The following CENPF variants were observed in gnomAD, a reference collection of about 807,000 sequenced individuals.
The protein encoded by CENPF is centromere protein F, also known as AH antigen.
A neutral mutation model predicts 307.3 loss-of-function variants in CENPF; 214 were observed. That is an observed-to-expected ratio of 0.70 (90% CI 0.62 to 0.78). The LOEUF (loss-of-function observed/expected upper bound fraction) is 0.78. CENPF is among the 30% of genes least tolerant of loss of function. CENPF has a pLI of 0.00. For synonymous variants in CENPF, 1,259 were observed against 1,270.6 expected (o/e 0.99, Z 0.19); for missense variants, 3,401 against 3,483.9 (o/e 0.98, Z 0.60).
chr1:214,625,167 C>A (rs577152014), intron 7 of CENPF, among the ~76,000 whole-genome samples: 1 of 152,220 alleles, frequency 6.6e-6, no homozygotes, highest in Admixed American at 6.5e-5. Flanking sequence ...AGGCGACTTT[C>A]GTGTAGACAA....
chr1:214,604,309 C>G (rs1004546580), intron 1 of CENPF, among the ~76,000 whole-genome samples: 1 of 152,178 alleles, frequency 6.6e-6, no homozygotes, highest in Non-Finnish European at 1.5e-5. Flanking sequence ...TCCTGCAAGT[C>G]CTCCATGCAG....
Position 214,635,991 on chromosome 1 carries a change from T to A in CENPF, c.1447-1875T>A, listed in dbSNP as rs11120371. On this transcript the variant is annotated intron_variant, in intron 10 of 19. Coordinates refer to ENST00000366955, the MANE Select transcript of CENPF (RefSeq NM_016343.4). ...GGTGTCATTTGATTTGATTAAAAAA[T>A]TTTTTTTTTAGAGTAAGAAAATATT... Among the ~76,000 whole-genome samples the A allele has an allele frequency of 4.5e-3, 676 of 149,940 alleles. 6 individuals carry two copies. The highest frequency in any genetic ancestry group is 0.017 in the Middle Eastern group (5 of 290).
chr1:214,631,481 TTTTG>T lies in CENPF; in HGVS notation c.1323+839_1323+842del, dbSNP rs557309107. ...ACATATGCATCCCAATATTTGTGTGTTTTGTTTGTTTGTTTGTTTGTTTTGTTTT... is the reference window on the plus strand; with the variant it reads ...ACATATGCATCCCAATATTTGTGTGTTTTGTTTGTTTGTTTGTTTTGTTTT... On this transcript the variant is annotated intron_variant, in intron 9 of 19. Coordinates refer to ENST00000366955, the MANE Select transcript of CENPF (RefSeq NM_016343.4). 4.0e-3 allele frequency among the ~76,000 whole-genome samples: 615 copies of T among 152,202 alleles called. 7 individuals carry two copies. Among genetic ancestry groups the T allele is most frequent in the Middle Eastern group, 0.031 (9 of 294 alleles).
Position 214,641,052 on chromosome 1 carries a change from C to A in CENPF, c.2714C>A (p.Ala905Asp). 6.4e-7 allele frequency: 1 copy of A among 1,562,346 alleles called. No individual in the cohort carries two copies. Among genetic ancestry groups the A allele is most frequent in the Non-Finnish European group, 8.6e-7 (1 of 1,163,012 alleles). Residue 905 changes from alanine (A) to aspartate (D), a missense_variant, in exon 12 of 20, where the codon GCC (alanine) becomes GAC (aspartate). Coordinates refer to ENST00000366955, the MANE Select transcript of CENPF (RefSeq NM_016343.4). Reference protein sequence around the residue: ...HQNVVAETLSALENKEKELQL... With the variant: ...HQNVVAETLSDLENKEKELQL... The stretch of plus-strand genomic sequence containing the variant: ...AATGTTGTTGCTGAAACCTTAAGTG[C>A]CCTTGAGAACAAGGAAAAAGAGCTG...
At chr1:214,650,621 G>T (rs1030399622) in intron 14 of CENPF, among the ~76,000 whole-genome samples, 2 of 152,160 alleles carry the variant, frequency 1.3e-5, no homozygotes, top group African/African-American at 4.8e-5. Context: ...GGAGGGAGTG[G>T]CTGGATATAG....
chr1:214,604,792 T>C (rs1656979489), intron 1 of CENPF, among the ~76,000 whole-genome samples: 1 of 152,130 alleles, frequency 6.6e-6, no homozygotes, highest in South Asian at 2.1e-4. Flanking sequence ...TTCAGTAGTT[T>C]TGGGATAAAT....
chr1:214,643,140 A>C lies in CENPF; in HGVS notation c.4802A>C (p.Gln1601Pro), dbSNP rs767955013. The C allele has an allele frequency of 3.1e-6, 5 of 1,597,878 alleles. No individual in the cohort carries two copies. The highest frequency in any genetic ancestry group is 4.3e-6 in the Non-Finnish European group (5 of 1,174,938). Residue 1601 changes from glutamine to proline, a missense_variant, in exon 12 of 20, where the codon CAG becomes CCG. Physicochemically the swap from Gln to Pro is moderately conservative, Grantham distance 76. Transcript: ENST00000366955. ...ERQELDCLRK[Q>P]YLSENEQWQQ... ...CAAGAGCTTGACTGCCTTAGGAAGCAGTATTTGTCAGAAAATGAACAGTGG... is the reference window on the plus strand; with the variant it reads ...CAAGAGCTTGACTGCCTTAGGAAGCCGTATTTGTCAGAAAATGAACAGTGG...
chr1:214,641,656 G>T lies in CENPF; in HGVS notation c.3318G>T (p.Val1106=), dbSNP rs779478827. 3 of 1,581,996 alleles carry T rather than the reference G, an allele frequency of 1.9e-6. No individual in the cohort carries two copies. The highest frequency in any genetic ancestry group is 2.6e-6 in the Non-Finnish European group (3 of 1,167,070). ...ATCTGATGCTAGAGTTGGAGACAGT[G>T]CAGCAAGCTCTGAGATCTGAGATGA... is the stretch of plus-strand genomic sequence containing the variant. ...NQNLMLELET[V]QQALRSEMTD... Residue 1106 remains valine (V), a synonymous_variant, in exon 12 of 20, where the codon GTG becomes GTT. Transcript: ENST00000366955.
intron 10 of CENPF, among the ~76,000 whole-genome samples, chr1:214,633,829 T>C (rs1469669674): frequency 6.6e-6 from 1 of 152,244 alleles, no homozygotes; most frequent in Non-Finnish European, 1.5e-5. Context: ...GTTTGCCTTT[T>C]GGCCAGTGGG....
At position 214,659,156 on chromosome 1, in the gene CENPF, G is replaced by GT; in HGVS notation, c.9141+129dup. On this transcript the variant is annotated intron_variant, in intron 19 of 19. Coordinates refer to ENST00000366955, the MANE Select transcript of CENPF (RefSeq NM_016343.4). This position sits in a 1 kb window ranked among gnomAD's most constrained non-coding sequence, Gnocchi z 4.4. ...AAAAGTCTGACCTTCTTGGTGTGGT[G>GT]TAAGTCAGTCAGTAGTGAGCAAGTG... is the stretch of plus-strand genomic sequence containing the variant. 1.1e-6 allele frequency: 1 copy of GT among 904,534 alleles called. No homozygotes were observed. Among genetic ancestry groups the GT allele is most frequent in the Non-Finnish European group, 1.7e-6 (1 of 596,828 alleles). 56.0% of individuals were successfully genotyped at this position (904,534 alleles called of 1,614,324 possible).
chr1:214,643,313 G>A lies in CENPF; in HGVS notation c.4975G>A (p.Asp1659Asn), dbSNP rs779677155. 24 of 1,495,922 alleles carry A rather than the reference G, an allele frequency of 1.6e-5. No homozygotes were observed. The highest frequency in any genetic ancestry group is 4.9e-5 in the Admixed American group (2 of 40,490). The allele number at this position is 1,495,922 out of a possible 1,614,324, so 92.7% of individuals were successfully genotyped here. A position where few individuals can be genotyped will look rare whatever the true frequency, so the allele number is the denominator to read the frequency against. Residue 1659 changes from aspartate (D) to asparagine (N), a missense_variant, in exon 12 of 20, where the codon GAC becomes AAC. Transcript: ENST00000366955. ...DLSSRSLLGI[D>N]TEDAIQGRNE... ...AAGTTCTCGGTCTTTGCTTGGCATC[G>A]ACACAGAAGATGTAAGTACCTGGGA...
chr1:214,646,429 C>G lies in CENPF; in HGVS notation c.6859C>G (p.Gln2287Glu), dbSNP rs1365907944. Residue 2287 changes from glutamine (Q) to glutamate (E), a missense_variant, in exon 13 of 20, where the codon CAG (glutamine) becomes GAG (glutamate). Transcript: ENST00000366955. The part of the protein sequence containing the change: ...GDQEIMKATE[Q>E]SLDPPIEEEH... ...CCAAGAAATTATGAAGGCCACAGAA[C>G]AGAGTCTAGACCCACCAATAGAGGA... 6.2e-7 allele frequency: 1 copy of G among 1,614,064 alleles called. No individual in the cohort carries two copies. The highest frequency in any genetic ancestry group is 8.5e-7 in the Non-Finnish European group (1 of 1,180,010).
At chr1:214,608,376 A>G (rs1553283678) in intron 1 of CENPF, 1 of 1,613,078 alleles carries the variant, frequency 6.2e-7, no homozygotes, top group African/African-American at 1.3e-5. Flanking sequence ...CGGAAGGCCT[A>G]CCCGAGCTGG....
At chr1:214,643,522 T>C (rs1658196069) in intron 12 of CENPF, among the ~76,000 whole-genome samples, 198 bp downstream of exon 12, 3 of 152,198 alleles carry the variant, frequency 2.0e-5, no homozygotes, top group Admixed American at 2.0e-4. Flanking sequence ...GGAATAAATT[T>C]CTATAGGGAT....
chr1:214,645,367 C>T lies in CENPF; in HGVS notation c.5797C>T (p.Leu1933=). ...CTTAGAGGTAGTTCAAACAGAGAAG[C>T]TATGTTTAGAAAAAGACAATGAAAA... ...ADLEVVQTEK[L]CLEKDNENKQ... The change falls in exon 13 of 20, where the codon CTA becomes TTA. Residue 1933 remains leucine, a synonymous_variant. Coordinates refer to ENST00000366955, the MANE Select transcript of CENPF (RefSeq NM_016343.4). The T allele has an allele frequency of 6.2e-7, 1 of 1,613,992 alleles. No homozygotes were observed. Among genetic ancestry groups the T allele is most frequent in the South Asian group, 1.1e-5 (1 of 91,080 alleles).
chr1:214,623,518 G>A (rs1177668027), intron 7 of CENPF, among the ~76,000 whole-genome samples: 2 of 151,946 alleles, frequency 1.3e-5, no homozygotes, highest in African/African-American at 2.4e-5. Context: ...AGACTCCAAC[G>A]GAGGCCAAGC....
chr1:214,651,356 G>A (rs776777236), intron 14 of CENPF, among the ~76,000 whole-genome samples: 1 of 152,216 alleles, frequency 6.6e-6, no homozygotes, highest in Non-Finnish European at 1.5e-5. Context: ...GATGGTAGTG[G>A]TTCTGTTGAT....
chr1:214,612,626 A>G (rs1221903233), intron 1 of CENPF, among the ~76,000 whole-genome samples: 5 of 152,280 alleles, frequency 3.3e-5, no homozygotes, highest in Non-Finnish European at 4.4e-5. Context: ...TGATTATGTG[A>G]TATGTCTTTT....
Position 214,641,330 on chromosome 1 carries a change from G to T in CENPF, c.2992G>T (p.Glu998Ter). 1 of 1,612,416 alleles carries T rather than the reference G, an allele frequency of 6.2e-7. No individual in the cohort carries two copies. Among genetic ancestry groups the T allele is most frequent in the Non-Finnish European group, 8.5e-7 (1 of 1,179,614 alleles). ...GAAGATGAACTTAATCCAGAAAAGT[G>T]AGAGTTTTGCAAACTATATAGATGA... ...QEKMNLIQKS[E>*]SFANYIDERE... The change falls in exon 12 of 20, where the codon GAG becomes TAG. Residue 998 changes from glutamate (E) to a stop codon, truncating the protein, a stop_gained. Transcript: ENST00000366955. LOFTEE classifies it high-confidence loss of function.
Sources: allele counts gnomAD v4.1 joint callset (sites outside exome capture counted in the v4.1 genomes callset), GRCh38; gene constraint gnomAD v4.1.1; non-coding constraint Gnocchi (gnomAD v3.1); transcripts MANE v1.5; gene names NCBI Gene and HGNC (gene_info 2026-07-23, HGNC 2026-07-21).